The following EEIG2 variants were observed in gnomAD, a reference collection of about 807,000 sequenced individuals.
EEIG2 encodes the protein family with sequence similarity 102 member B.
chr1:108,587,671 C>A, the EEIG2 span, among the ~76,000 whole-genome samples: 38 of 152,226 alleles, frequency 2.5e-4, 1 homozygote, highest in South Asian at 7.9e-3. Flanking sequence ...TTTTAATTTC[C>A]TATATCCTTG....
chr1:108,591,848 A>G, the EEIG2 span, among the ~76,000 whole-genome samples: 8 of 152,218 alleles, frequency 5.3e-5, no homozygotes, highest in Non-Finnish European at 7.3e-5. Flanking sequence ...TGGATGGAAT[A>G]GAAGGGAAAG....
At chr1:108,628,491 T>G in the EEIG2 span, 11 of 1,613,996 alleles carry the variant, frequency 6.8e-6, no homozygotes, top group Middle Eastern at 1.6e-4. Flanking sequence ...GTTGAAAGTA[T>G]TCTAGAGCCA....
At chr1:108,624,779 T>C in the EEIG2 span, 2 of 1,582,138 alleles carry the variant, frequency 1.3e-6, no homozygotes, top group East Asian at 2.2e-5. Flanking sequence ...GGTTTTTTAA[T>C]TTGTGAGAGA....
At chr1:108,602,160 GC>G in the EEIG2 span, among the ~76,000 whole-genome samples, 2 of 152,158 alleles carry the variant, frequency 1.3e-5, no homozygotes, top group African/African-American at 4.8e-5. Flanking sequence ...TGAAGAAGGG[GC>G]AACCATGTAA....
At chr1:108,617,042 G>A in the EEIG2 span, among the ~76,000 whole-genome samples, 1 of 152,220 alleles carries the variant, frequency 6.6e-6, no homozygotes, top group Non-Finnish European at 1.5e-5. Context: ...TTAGGGGGAA[G>A]AGTATTTGAG....
At chr1:108,629,639 G>A in the EEIG2 span, 2 of 1,611,168 alleles carry the variant, frequency 1.2e-6, no homozygotes, top group South Asian at 1.1e-5. Flanking sequence ...ACCTTTGGCA[G>A]TCATCATCTT....
At chr1:108,612,552 A>G in the EEIG2 span, among the ~76,000 whole-genome samples, 601 of 152,336 alleles carry the variant, frequency 3.9e-3, 15 homozygotes, top group Admixed American at 0.033. Context: ...CCACTATAAC[A>G]TAAGAGCTCA....
At chr1:108,627,244 TAC>T in the EEIG2 span, 1 of 152,236 alleles carries the variant, frequency 6.6e-6, no homozygotes, top group South Asian at 2.1e-4. Context: ...GGACCACTTA[TAC>T]TCTGTCCAGA....
At chr1:108,586,168 C>G in the EEIG2 span, among the ~76,000 whole-genome samples, 8,184 of 152,030 alleles carry the variant, frequency 0.054, 349 homozygotes, top group East Asian at 0.17. Flanking sequence ...ATTTGCAAGG[C>G]AGCTACTCCA....
chr1:108,596,161 GAA>G, the EEIG2 span, among the ~76,000 whole-genome samples: 1 of 148,172 alleles, frequency 6.7e-6, no homozygotes, highest in African/African-American at 2.5e-5. Flanking sequence ...AGACAATAAA[GAA>G]AATTCTTAGT....
At chr1:108,570,842 G>A in the EEIG2 span, among the ~76,000 whole-genome samples, 6 of 152,130 alleles carry the variant, frequency 3.9e-5, no homozygotes, top group Non-Finnish European at 7.3e-5. Context: ...AGGAAAATAT[G>A]GAACAGTTGG....
At chr1:108,576,081 A>T in the EEIG2 span, among the ~76,000 whole-genome samples, 13 of 152,182 alleles carry the variant, frequency 8.5e-5, no homozygotes, top group Non-Finnish European at 1.9e-4. Flanking sequence ...TCCCGGGTTC[A>T]AGCAATCCGC....
chr1:108,582,440 T>G, the EEIG2 span, among the ~76,000 whole-genome samples: 448 of 152,338 alleles, frequency 2.9e-3, 4 homozygotes, highest in Non-Finnish European at 2.9e-3. Flanking sequence ...GCTATCTTAA[T>G]TTGTATTAAT....
At chr1:108,631,296 TC>T in the EEIG2 span, among the ~76,000 whole-genome samples, 21 of 152,362 alleles carry the variant, frequency 1.4e-4, no homozygotes, top group South Asian at 6.2e-4. Context: ...TTATAAAGTT[TC>T]ATTGGAACAC....
At chr1:108,623,633 C>T in the EEIG2 span, among the ~76,000 whole-genome samples, 1 of 152,068 alleles carries the variant, frequency 6.6e-6, no homozygotes, top group Non-Finnish European at 1.5e-5. Flanking sequence ...TCTCATGTAA[C>T]CCATAAATGT....
At chr1:108,631,564 G>A in the EEIG2 span, among the ~76,000 whole-genome samples, 1 of 152,048 alleles carries the variant, frequency 6.6e-6, no homozygotes, top group African/African-American at 2.4e-5. Flanking sequence ...TAAGTGGGGG[G>A]CTTATAAGGT....
chr1:108,560,367 C>G, the EEIG2 span: 1 of 1,428,008 alleles, frequency 7.0e-7, no homozygotes, highest in South Asian at 1.3e-5. Flanking sequence ...ATCCGGGGCT[C>G]GGCCAAGCTG....
chr1:108,564,150 C>G, the EEIG2 span, among the ~76,000 whole-genome samples: 1 of 152,100 alleles, frequency 6.6e-6, no homozygotes, highest in Non-Finnish European at 1.5e-5. Context: ...TTGCTTTCTA[C>G]TGCTCATAGG....
At chr1:108,577,948 G>A in the EEIG2 span, among the ~76,000 whole-genome samples, 236 of 149,748 alleles carry the variant, frequency 1.6e-3, 1 homozygote, top group African/African-American at 2.9e-3. Flanking sequence ...ATGTTCTTCC[G>A]TTTGTTTGTA....
Sources: gnomAD v4.1 joint callset for allele counts (sites outside exome capture counted in the v4.1 genomes callset) on GRCh38, gnomAD v4.1.1 for gene constraint, MANE v1.5 for transcripts, NCBI Gene and HGNC (gene_info 2026-07-23, HGNC 2026-07-21) for gene names.